The following CCSER1 variants were observed in gnomAD, a reference collection of about 807,000 sequenced individuals.
CCSER1 encodes serine-rich coiled-coil domain-containing protein 1.
Under a neutral mutation model 82.0 loss-of-function variants are expected in CCSER1, and 41 were observed. The ratio of observed to expected loss-of-function variants is 0.50; its 90% CI spans 0.39 to 0.65. CCSER1 has a LOEUF of 0.65. Ranked by LOEUF, CCSER1 falls within the 30% of genes least tolerant of loss-of-function variation. The pLI, the probability that CCSER1 is intolerant of heterozygous loss-of-function variation, is 0.00. For synonymous variants in CCSER1, 414 were observed against 383.9 expected (o/e 1.08, Z -0.92); for missense variants, 1,119 against 1,064.2 (o/e 1.05, Z -0.72).
intron 6 of CCSER1, among the ~76,000 whole-genome samples, chr4:90,674,443 C>T (rs886893556): frequency 6.6e-6 from 1 of 151,692 alleles, no homozygotes; most frequent in Non-Finnish European, 1.5e-5. Flanking sequence ...ACAATACTTA[C>T]AAAAAGCAGA....
At chr4:90,659,974 G>A (rs1457177377) in intron 6 of CCSER1, among the ~76,000 whole-genome samples, 1 of 150,322 alleles carries the variant, frequency 6.7e-6, no homozygotes, top group Non-Finnish European at 1.5e-5. Flanking sequence ...GTTTTTTGTT[G>A]TTGTTGAGTT....
At chr4:90,226,659 C>T (rs1743214933) in intron 1 of CCSER1, among the ~76,000 whole-genome samples, 2 of 152,234 alleles carry the variant, frequency 1.3e-5, no homozygotes. Flanking sequence ...GCTTTCTTTA[C>T]AGGTGCTTCA....
At chr4:91,176,431 C>T (rs888517599) in intron 10 of CCSER1, among the ~76,000 whole-genome samples, 15 of 152,284 alleles carry the variant, frequency 9.9e-5, no homozygotes, top group East Asian at 7.7e-4. Flanking sequence ...GCCATTTTCA[C>T]GATATTGATT....
At chr4:91,284,130 A>C (rs1054813940) in intron 10 of CCSER1, among the ~76,000 whole-genome samples, 6 of 152,112 alleles carry the variant, frequency 3.9e-5, no homozygotes, top group African/African-American at 1.4e-4. Flanking sequence ...ACTCTTACTT[A>C]AGTTTATTTT....
At chr4:91,226,207 T>C (rs1004801923) in intron 10 of CCSER1, among the ~76,000 whole-genome samples, 1 of 151,808 alleles carries the variant, frequency 6.6e-6, no homozygotes, top group Admixed American at 6.6e-5. Context: ...AAAGATATAT[T>C]AAAGAAGTGG....
chr4:90,423,958 G>A (rs1757128265), intron 4 of CCSER1, among the ~76,000 whole-genome samples: 1 of 150,720 alleles, frequency 6.6e-6, no homozygotes, highest in African/African-American at 2.4e-5. Flanking sequence ...GGGCACAGTG[G>A]CGGGCGCCTG....
intron 4 of CCSER1, among the ~76,000 whole-genome samples, chr4:90,402,165 G>T (rs773875471): frequency 6.6e-6 from 1 of 152,192 alleles, no homozygotes; most frequent in Non-Finnish European, 1.5e-5. Flanking sequence ...TGGAGATTCT[G>T]CAAGATAAAT....
intron 10 of CCSER1, among the ~76,000 whole-genome samples, chr4:91,169,803 C>G (rs969852470): frequency 9.2e-5 from 14 of 151,842 alleles, no homozygotes; most frequent in Non-Finnish European, 1.6e-4. Flanking sequence ...GCAAACTTAC[C>G]TGTTCATAGT....
intron 1 of CCSER1, among the ~76,000 whole-genome samples, chr4:90,249,676 T>A (rs1722043494): frequency 6.6e-6 from 1 of 152,196 alleles, no homozygotes; most frequent in African/African-American, 2.4e-5. Flanking sequence ...CAGTACTTTA[T>A]TCCTTTTATT....
chr4:90,702,789 G>A (rs924409787), intron 6 of CCSER1, among the ~76,000 whole-genome samples: 15 of 152,124 alleles, frequency 9.9e-5, no homozygotes, highest in African/African-American at 3.6e-4. Context: ...TCTGATGGTA[G>A]TTTGTATTTC....
intron 9 of CCSER1, among the ~76,000 whole-genome samples, chr4:91,031,462 GATAT>G: frequency 6.6e-6 from 1 of 152,106 alleles, no homozygotes; most frequent in East Asian, 1.9e-4. Flanking sequence ...TCTGGTGACT[GATAT>G]ATAACAAGGA....
At chr4:91,280,304 C>T (rs752709884) in intron 10 of CCSER1, among the ~76,000 whole-genome samples, 7 of 152,166 alleles carry the variant, frequency 4.6e-5, no homozygotes, top group African/African-American at 1.7e-4. Context: ...CTGGAGACCA[C>T]CCAAGTTGGT....
intron 3 of CCSER1, among the ~76,000 whole-genome samples, chr4:90,381,434 C>A (rs1039285799): frequency 1.3e-5 from 2 of 152,014 alleles, no homozygotes; most frequent in Non-Finnish European, 2.9e-5. Context: ...AATATAAAGG[C>A]TGATTACAAA....
Position 91,090,607 on chromosome 4 carries a change from A to C in CCSER1, c.2217+4613A>C, listed in dbSNP as rs530139353. 3.3e-5 allele frequency among the ~76,000 whole-genome samples: 5 copies of C among 152,322 alleles called. No homozygotes were observed. The South Asian group carries it at 1.0e-3, about 32-fold the overall frequency. On this transcript the variant is annotated intron_variant, in intron 10 of 10. Transcript: ENST00000509176. The stretch of plus-strand genomic sequence containing the variant: ...GGTGGTTCTTTTGGGCTGGGAATTC[A>C]TCAGGAACTGGGTCTGCAGGAACTA...
intron 4 of CCSER1, among the ~76,000 whole-genome samples, chr4:90,461,561 C>A (rs1025509831): frequency 6.6e-6 from 1 of 152,098 alleles, no homozygotes; most frequent in Non-Finnish European, 1.5e-5. Context: ...CTTGTCTAGG[C>A]CCCAATCACA....
intron 10 of CCSER1, among the ~76,000 whole-genome samples, chr4:91,413,684 A>G (rs1032982308): frequency 6.6e-6 from 1 of 152,122 alleles, no homozygotes; most frequent in Non-Finnish European, 1.5e-5. Flanking sequence ...GGACATGGAC[A>G]TACAGAATAA....
At chr4:90,329,791 A>G (rs551649418) in intron 3 of CCSER1, among the ~76,000 whole-genome samples, 13 of 152,290 alleles carry the variant, frequency 8.5e-5, no homozygotes, top group South Asian at 8.3e-4. Context: ...TTAAACTGGG[A>G]AAAAAGCATC....
At chr4:90,838,770 G>A in intron 8 of CCSER1, 1 of 1,211,034 alleles carries the variant, frequency 8.3e-7, no homozygotes, top group Non-Finnish European at 1.2e-6. Context: ...GTTCTTTGAT[G>A]TGAAAGGGGC....
chr4:90,871,854 C>T (rs112757374), intron 8 of CCSER1, among the ~76,000 whole-genome samples: 50 of 151,606 alleles, frequency 3.3e-4, no homozygotes, highest in African/African-American at 1.1e-3. Context: ...GTGTTGGGTG[C>T]ATATATATAT....
Sources: allele counts gnomAD v4.1 joint callset (sites outside exome capture counted in the v4.1 genomes callset), GRCh38; gene constraint gnomAD v4.1.1; transcripts MANE v1.5; gene names NCBI Gene and HGNC (gene_info 2026-07-23, HGNC 2026-07-21).